The following CLYBL variants were observed in gnomAD, a reference collection of about 807,000 sequenced individuals.
CLYBL encodes citramalyl-CoA lyase, mitochondrial.
Under a neutral mutation model 38.9 loss-of-function variants are expected in CLYBL, and 31 were observed. That is an observed-to-expected ratio of 0.80 (90% CI 0.60 to 1.08). The LOEUF is 1.08. Ranked by LOEUF, CLYBL falls within the 50% of genes least tolerant of loss-of-function variation. The probability of loss-of-function intolerance (pLI) is 0.00; values close to 1 mark genes in which losing one functional copy is unlikely to be tolerated. For synonymous variants in CLYBL, 171 were observed against 158.6 expected (o/e 1.08, Z -0.59); for missense variants, 434 against 411.6 (o/e 1.05, Z -0.47).
chr13:99,613,042 T>C (rs986838632), intron 1 of CLYBL, among the ~76,000 whole-genome samples: 2 of 103,060 alleles, frequency 1.9e-5, no homozygotes, highest in African/African-American at 1.1e-4. Flanking sequence ...ATAATAATAA[T>C]AATAATAATA....
intron 2 of CLYBL, among the ~76,000 whole-genome samples, chr13:99,778,206 C>G (rs1187409163): frequency 6.6e-6 from 1 of 152,176 alleles, no homozygotes. Context: ...TCAAATATCT[C>G]ATATTCTCTT....
At chr13:99,748,586 C>T (rs1433331375) in intron 1 of CLYBL, among the ~76,000 whole-genome samples, 1 of 151,130 alleles carries the variant, frequency 6.6e-6, no homozygotes, top group Non-Finnish European at 1.5e-5. Context: ...ATTACAGGCA[C>T]CTGCCACTAC....
At chr13:99,664,744 T>C (rs1351343421) in intron 1 of CLYBL, among the ~76,000 whole-genome samples, 1 of 152,114 alleles carries the variant, frequency 6.6e-6, no homozygotes, top group Non-Finnish European at 1.5e-5. Context: ...CAACACAAAT[T>C]TGGAACGAAG....
At chr13:99,638,929 AG>A (rs1338407786) in intron 1 of CLYBL, among the ~76,000 whole-genome samples, 2 of 152,154 alleles carry the variant, frequency 1.3e-5, no homozygotes, top group Non-Finnish European at 2.9e-5. Context: ...TACCAAACTA[AG>A]GGGCTGAGCT....
intron 8 of CLYBL, among the ~76,000 whole-genome samples, chr13:99,903,049 A>T (rs7992592): frequency 0.14 from 22,047 of 152,264 alleles, 1,825 homozygotes; most frequent in African/African-American, 0.21. Context: ...GGTTTCAACC[A>T]TAGCATCACT....
At position 99,776,112 on chromosome 13, in the gene CLYBL, C is replaced by T. The variant is rs191775944; in HGVS notation, c.249+3102C>T. Among the ~76,000 whole-genome samples, 82 of 150,212 alleles carry T rather than the reference C, an allele frequency of 5.5e-4. 1 individual carries two copies. The highest frequency in any genetic ancestry group is 1.9e-3 in the African/African-American group (79 of 40,874). On this transcript the variant is annotated intron_variant, in intron 2 of 8. Transcript: ENST00000339105. Reference sequence around the variant, plus strand: ...CCAGGAGGCAGAGCTTGCAGTGAGCCGAGATCGTGCCACTGCACTCCAGCC... The same window carrying T: ...CCAGGAGGCAGAGCTTGCAGTGAGCTGAGATCGTGCCACTGCACTCCAGCC...
chr13:99,848,918 C>T (rs1177582751), intron 2 of CLYBL, among the ~76,000 whole-genome samples: 1 of 152,194 alleles, frequency 6.6e-6, no homozygotes, highest in Non-Finnish European at 1.5e-5. Flanking sequence ...GCAGGCAGAT[C>T]ACCTGAGGCT....
intron 2 of CLYBL, among the ~76,000 whole-genome samples, chr13:99,784,948 A>G (rs945732149): frequency 1.3e-5 from 2 of 151,728 alleles, no homozygotes; most frequent in Admixed American, 6.6e-5. Context: ...TTGGGGTGCA[A>G]TGGTGCGATC....
At chr13:99,642,079 G>C (rs550228282) in intron 1 of CLYBL, among the ~76,000 whole-genome samples, 1 of 152,348 alleles carries the variant, frequency 6.6e-6, no homozygotes, top group African/African-American at 2.4e-5. Flanking sequence ...ACACTTGTGA[G>C]GGTACCAGGC....
rs561048295 is a variant in CLYBL at position 99,680,623 on chromosome 13, C to A, written c.62+73866C>A. On this transcript the variant is annotated intron_variant, in intron 1 of 8. Transcript: ENST00000339105. ...TGTTTGTTTTATACCTAAGTGAGAC[C>A]TTGAGTTATCCAATGTGCTTCCATC... Among the ~76,000 whole-genome samples, 324 of 152,296 alleles carry A rather than the reference C, an allele frequency of 2.1e-3. 2 individuals carry two copies. Among genetic ancestry groups the A allele is most frequent in the African/African-American group, 7.2e-3 (299 of 41,554 alleles).
At chr13:99,639,519 T>G (rs2047065859) in intron 1 of CLYBL, among the ~76,000 whole-genome samples, 1 of 152,200 alleles carries the variant, frequency 6.6e-6, no homozygotes, top group African/African-American at 2.4e-5. Context: ...TGCATTTATA[T>G]GTAACAGAAG....
intron 1 of CLYBL, among the ~76,000 whole-genome samples, chr13:99,754,676 C>T (rs2049024404): frequency 2.0e-5 from 3 of 151,162 alleles, no homozygotes; most frequent in Admixed American, 2.0e-4. Flanking sequence ...CCTCCACCTC[C>T]TGGGTTCAAG....
chr13:99,695,450 G>C (rs2047963983), intron 1 of CLYBL, among the ~76,000 whole-genome samples: 1 of 152,088 alleles, frequency 6.6e-6, no homozygotes, highest in Non-Finnish European at 1.5e-5. Context: ...GAGAACAAAA[G>C]GGTTTGATGT....
intron 1 of CLYBL, among the ~76,000 whole-genome samples, chr13:99,769,964 G>C (rs1474921655): frequency 6.6e-6 from 1 of 152,108 alleles, no homozygotes; most frequent in African/African-American, 2.4e-5. Context: ...CTGATGTCCA[G>C]GGTTTTCATG....
intron 1 of CLYBL, among the ~76,000 whole-genome samples, chr13:99,667,686 C>A (rs1170047557): frequency 6.6e-6 from 1 of 152,084 alleles, no homozygotes; most frequent in Non-Finnish European, 1.5e-5. Context: ...TTGATATTAT[C>A]TAAAAAACAA....
chr13:99,688,226 A>AT (rs561511487), intron 1 of CLYBL, among the ~76,000 whole-genome samples: 6,005 of 150,288 alleles, frequency 0.04, 145 homozygotes, highest in Non-Finnish European at 0.05. Flanking sequence ...TCCTTCATAC[A>AT]TTTTTTTTTG....
chr13:99,846,043 A>C (rs2051196684), intron 2 of CLYBL, among the ~76,000 whole-genome samples: 2 of 151,630 alleles, frequency 1.3e-5, no homozygotes, highest in African/African-American at 4.9e-5. Flanking sequence ...AACAACCAAG[A>C]ATAAAAAAAA....
At chr13:99,767,624 G>T (rs1319053701) in intron 1 of CLYBL, among the ~76,000 whole-genome samples, 2 of 151,962 alleles carry the variant, frequency 1.3e-5, no homozygotes, top group African/African-American at 4.8e-5. Flanking sequence ...GGTCCTTTAG[G>T]CTCTATTCAC....
exon 9 of CLYBL, among the ~76,000 whole-genome samples, chr13:99,905,403 G>A (rs2052686223): frequency 6.6e-6 from 1 of 152,228 alleles, no homozygotes; most frequent in African/African-American, 2.4e-5. Flanking sequence ...TTACGTGCCT[G>A]TGGTGAGTGA....
Sources: gnomAD v4.1 joint callset for allele counts (sites outside exome capture counted in the v4.1 genomes callset) on GRCh38, gnomAD v4.1.1 for gene constraint, MANE v1.5 for transcripts, NCBI Gene and HGNC (gene_info 2026-07-23, HGNC 2026-07-21) for gene names.